RAB38: variants seen among roughly 807,000 people sequenced by gnomAD.
RAB38 encodes the protein ras-related protein Rab-38.
RAB38 carries 15 observed loss-of-function variants against 18.4 expected under a neutral mutation model. The observed-to-expected ratio is 0.82, with a 90% CI of 0.55 to 1.26. The LOEUF (loss-of-function observed/expected upper bound fraction) is 1.26. Among genes scored for constraint, RAB38 ranks in the 50% most tolerant of loss-of-function variants. The probability of loss-of-function intolerance (pLI) is 0.00; values close to 1 mark genes in which losing one functional copy is unlikely to be tolerated. For missense variants in RAB38, 294 were observed against 267.4 expected (o/e 1.10, Z -0.69); for synonymous variants, 101 against 104.4 (o/e 0.97, Z 0.20).
chr11:88,129,900 T>C (rs1221320825), intron 2 of RAB38, among the ~76,000 whole-genome samples: 3 of 152,092 alleles, frequency 2.0e-5, no homozygotes, highest in Non-Finnish European at 4.4e-5. Flanking sequence ...ATAAAATGCA[T>C]ATGCAATTCT....
At chr11:87,965,559 G>C in the RAB38 span, among the ~76,000 whole-genome samples, 1 of 152,140 alleles carries the variant, frequency 6.6e-6, no homozygotes, top group Non-Finnish European at 1.5e-5. Flanking sequence ...GGTTTATAGG[G>C]TCAGGCTCTA....
the RAB38 span, among the ~76,000 whole-genome samples, chr11:87,973,422 C>T: frequency 6.6e-6 from 1 of 151,924 alleles, no homozygotes; most frequent in Non-Finnish European, 1.5e-5. Flanking sequence ...AAGAATCGGA[C>T]CATAGGCAGC....
At chr11:87,974,340 A>C in the RAB38 span, among the ~76,000 whole-genome samples, 1 of 150,908 alleles carries the variant, frequency 6.6e-6, no homozygotes, top group African/African-American at 2.4e-5. Context: ...AGAATTGAAA[A>C]CCATAACCCT....
the RAB38 span, among the ~76,000 whole-genome samples, chr11:88,023,484 T>C: frequency 6.6e-6 from 1 of 151,964 alleles, no homozygotes. Context: ...CATAGCAATA[T>C]ACAGATTCAA....
At chr11:88,158,308 G>T (rs1278983914) in intron 1 of RAB38, among the ~76,000 whole-genome samples, 1 of 151,900 alleles carries the variant, frequency 6.6e-6, no homozygotes, top group Non-Finnish European at 1.5e-5. Flanking sequence ...CAACCAAAAA[G>T]TTGCAGGCCA....
chr11:88,121,959 C>G (rs111232868), intron 2 of RAB38, among the ~76,000 whole-genome samples: 1 of 152,178 alleles, frequency 6.6e-6, no homozygotes, highest in Admixed American at 6.5e-5. Flanking sequence ...CTTTCTAAAT[C>G]GCAAAAGTTA....
intron 2 of RAB38, among the ~76,000 whole-genome samples, chr11:88,131,349 A>C (rs1430403090): frequency 2.0e-5 from 3 of 152,166 alleles, no homozygotes; most frequent in Admixed American, 2.0e-4. Context: ...TTTCCTAAAC[A>C]AGACAGATTT....
At chr11:87,816,262 T>C in the RAB38 span, 1 of 152,614 alleles carries the variant, frequency 6.6e-6, no homozygotes, top group Admixed American at 6.5e-5. Context: ...TTCTTTTCGT[T>C]ATAAGGTTTG....
intron 2 of RAB38, among the ~76,000 whole-genome samples, chr11:88,115,112 A>T (rs1261627721): frequency 6.6e-6 from 1 of 152,226 alleles, no homozygotes; most frequent in Non-Finnish European, 1.5e-5. Context: ...GAAACCTAAG[A>T]CATATAGAAA....
downstream of RAB38, among the ~76,000 whole-genome samples, chr11:88,110,382 G>A (rs1320539411): frequency 6.6e-6 from 1 of 152,018 alleles, no homozygotes; most frequent in Admixed American, 6.6e-5. Context: ...GAGGGTGGGG[G>A]GCCAGGGAAG....
chr11:88,095,156 T>C, the RAB38 span, among the ~76,000 whole-genome samples: 1 of 151,892 alleles, frequency 6.6e-6, no homozygotes, highest in Non-Finnish European at 1.5e-5. Context: ...GCTACACATT[T>C]CCCATCCTAA....
the RAB38 span, among the ~76,000 whole-genome samples, chr11:88,064,626 C>T: frequency 1.3e-5 from 2 of 152,202 alleles, no homozygotes; most frequent in African/African-American, 2.4e-5. Context: ...GTTGAAGCAA[C>T]TAGCATTAAT....
At chr11:88,004,774 G>T in the RAB38 span, among the ~76,000 whole-genome samples, 7 of 151,374 alleles carry the variant, frequency 4.6e-5, no homozygotes, top group African/African-American at 1.4e-4. Flanking sequence ...CTAAAACCAG[G>T]AAGTGCATTT....
At chr11:88,052,911 T>TATATC in the RAB38 span, among the ~76,000 whole-genome samples, 5 of 25,002 alleles carry the variant, frequency 2.0e-4, no homozygotes, top group Admixed American at 1.3e-3. Flanking sequence ...CATATATATA[T>TATATC]ATATATATAT....
chr11:88,068,059 A>C, the RAB38 span, among the ~76,000 whole-genome samples: 1 of 150,590 alleles, frequency 6.6e-6, no homozygotes, highest in African/African-American at 2.4e-5. Flanking sequence ...CCCATAATTC[A>C]GTTTACAAAA....
the RAB38 span, among the ~76,000 whole-genome samples, chr11:87,855,764 A>G: frequency 6.6e-6 from 1 of 152,164 alleles, no homozygotes; most frequent in East Asian, 1.9e-4. Flanking sequence ...ATGCCTTCCA[A>G]TTGTAAAATA....
the RAB38 span, among the ~76,000 whole-genome samples, chr11:87,917,290 G>A: frequency 1.3e-5 from 2 of 152,066 alleles, no homozygotes; most frequent in Non-Finnish European, 2.9e-5. Flanking sequence ...TAGAGAGATG[G>A]TCATCAGGAA....
chr11:87,893,388 A>ATTT, the RAB38 span, among the ~76,000 whole-genome samples: 3 of 9,356 alleles, frequency 3.2e-4, no homozygotes, highest in South Asian at 0.012. Context: ...ATATATATAT[A>ATTT]TATTTTTTTT....
chr11:87,867,876 AG>A, the RAB38 span, among the ~76,000 whole-genome samples: 1 of 151,740 alleles, frequency 6.6e-6, no homozygotes, highest in Admixed American at 6.6e-5. Flanking sequence ...TCAGTGAGCT[AG>A]TAAACGGCAG....
Sources: allele counts gnomAD v4.1 joint callset (sites outside exome capture counted in the v4.1 genomes callset), GRCh38; gene constraint gnomAD v4.1.1; transcripts MANE v1.5; gene names NCBI Gene and HGNC (gene_info 2026-07-23, HGNC 2026-07-21).